Variants in FGF13 observed in about 807,000 individuals in gnomAD.
FGF13 encodes the protein fibroblast growth factor 13.
FGF13 carries 2 observed loss-of-function variants against 19.5 expected under a neutral mutation model. The observed-to-expected ratio is 0.10, with a 90% confidence interval of 0.04 to 0.32. FGF13 has a LOEUF of 0.32. Ranked by LOEUF, FGF13 falls within the 10% of genes least tolerant of loss-of-function variation. FGF13 has a pLI of 1.00. For missense variants in FGF13, 113 were observed against 192.7 expected (o/e 0.59, Z 2.45); for synonymous variants, 72 against 76.9 (o/e 0.94, Z 0.33).
At chrX:138,906,791 C>A (rs2091560882) in intron 1 of FGF13, among the ~76,000 whole-genome samples, 1 of 110,690 alleles carries the variant, frequency 9.0e-6, no homozygotes, top group African/African-American at 3.3e-5. Flanking sequence ...ACATGGAGTC[C>A]TATATCTCCT....
chrX:138,980,421 T>C lies in FGF13; in HGVS notation c.-112-115771A>G, dbSNP rs146929761. Among the ~76,000 whole-genome samples, 803 of 112,056 alleles carry C rather than the reference T, an allele frequency of 7.2e-3. 12 individuals carry two copies. Among genetic ancestry groups the C allele is most frequent in the African/African-American group, 0.025 (768 of 30,818 alleles). On this transcript the variant is annotated intron_variant, in intron 1 of 2. Coordinates refer to the FGF13 transcript ENST00000421460. ...AAAAGAATATACTACTTCATCTCTC[T>C]CCTGGCTCATGAGTGATGATCAATA...
Position 138,894,346 on chromosome X carries a change from C to CA in FGF13, c.-112-29697dup, listed in dbSNP as rs758674873. Among the ~76,000 whole-genome samples, 877 of 108,464 alleles carry CA rather than the reference C, an allele frequency of 8.1e-3. 11 individuals carry two copies. The highest frequency in any genetic ancestry group is 0.027 in the African/African-American group (813 of 29,600). 94.2% of individuals were successfully genotyped at this position (108,464 alleles called of 115,157 possible). ...GGAGATAGAGACACAAAAAACCCTT[C>CA]AAAAAAAATCAATGAATCAAGGAGC... is the stretch of plus-strand genomic sequence containing the variant. On this transcript the variant is annotated intron_variant, in intron 1 of 2. Coordinates refer to the FGF13 transcript ENST00000421460.
chrX:138,690,158 G>T (rs1156621915), intron 3 of FGF13, among the ~76,000 whole-genome samples: 1 of 111,572 alleles, frequency 9.0e-6, no homozygotes, highest in Non-Finnish European at 1.9e-5. Context: ...AGGGGTAAAT[G>T]AGTAATGGGG....
At chrX:139,142,376 T>C (rs1197126419) in intron 1 of FGF13, among the ~76,000 whole-genome samples, 1 of 111,660 alleles carries the variant, frequency 9.0e-6, no homozygotes. Flanking sequence ...AATGGCATCA[T>C]CACAGACAAT....
chrX:139,204,312 A>AGCC (rs2084446470), upstream of FGF13: 1 of 346,608 alleles, frequency 2.9e-6, no homozygotes, highest in African/African-American at 2.8e-5. Context: ...GTGAAGGAGG[A>AGCC]GCCGCCGTCG....
intron 1 of FGF13, among the ~76,000 whole-genome samples, chrX:138,958,015 A>C (rs753972001): frequency 4.7e-4 from 52 of 111,706 alleles, no homozygotes; most frequent in African/African-American, 1.6e-3. Context: ...AATATGCTTT[A>C]TTTCTTTCTC....
chrX:139,169,188 G>A (rs1041782840), intron 1 of FGF13, among the ~76,000 whole-genome samples: 2 of 112,192 alleles, frequency 1.8e-5, no homozygotes, highest in Non-Finnish European at 3.8e-5. Context: ...TAAGGGTTGA[G>A]CAGACATTTG....
At chrX:138,732,401 C>G (rs971997812) in intron 1 of FGF13, among the ~76,000 whole-genome samples, 20 of 111,848 alleles carry the variant, frequency 1.8e-4, no homozygotes, top group Non-Finnish European at 3.0e-4. Context: ...TACTAGTCAG[C>G]CATAACATGT....
At chrX:139,017,095 T>C (rs1340299698) in intron 1 of FGF13, among the ~76,000 whole-genome samples, 1 of 107,255 alleles carries the variant, frequency 9.3e-6, no homozygotes, top group African/African-American at 3.4e-5. Context: ...TATATATATA[T>C]ACACACACAC....
At chrX:138,750,802 T>C (rs1234567496) in intron 3 of FGF13, among the ~76,000 whole-genome samples, 10 of 110,916 alleles carry the variant, frequency 9.0e-5, no homozygotes, top group African/African-American at 3.3e-4. Context: ...AAAGAGATGG[T>C]GTTTACAGTC....
At chrX:138,980,829 T>A (rs1319334079) in intron 1 of FGF13, among the ~76,000 whole-genome samples, 1 of 110,903 alleles carries the variant, frequency 9.0e-6, no homozygotes, top group Non-Finnish European at 1.9e-5. Flanking sequence ...ATGTATGTAT[T>A]CAGTTTACAG....
At chrX:138,885,554 C>T (rs1425316600) in intron 1 of FGF13, among the ~76,000 whole-genome samples, 1 of 109,874 alleles carries the variant, frequency 9.1e-6, no homozygotes, top group Admixed American at 9.8e-5. Context: ...CTCTGTCTTG[C>T]TCACTCTACT....
intron 1 of FGF13, among the ~76,000 whole-genome samples, chrX:139,004,464 A>T (rs1198949533): frequency 8.9e-6 from 1 of 112,297 alleles, no homozygotes; most frequent in Admixed American, 9.3e-5. Flanking sequence ...CAGCCCAGAA[A>T]GCGGCTCCCA....
At chrX:139,087,364 A>C (rs1201473647) in intron 1 of FGF13, among the ~76,000 whole-genome samples, 1 of 111,868 alleles carries the variant, frequency 8.9e-6, no homozygotes, top group Non-Finnish European at 1.9e-5. Flanking sequence ...AAGTTAAAAT[A>C]ACAGATTTAG....
At position 138,710,810 on chromosome X, in the gene FGF13, T is replaced by G; in HGVS notation, c.187+7A>C. ...ATGGGGAAAAGAAAGCAAAAGCCCT[T>G]TCCGACCTGGTCTTCTTCTGCGCCT... On this transcript the variant is annotated splice_region_variant and intron_variant, in intron 1 of 4. Coordinates refer to ENST00000315930, the MANE Select transcript of FGF13 (RefSeq NM_004114.5). 1 of 1,211,259 alleles carries G rather than the reference T, an allele frequency of 8.3e-7. No individual in the cohort carries two copies. The highest frequency in any genetic ancestry group is 1.1e-6 in the Non-Finnish European group (1 of 895,071).
chrX:139,064,274 T>TA (rs1380176662), intron 1 of FGF13, among the ~76,000 whole-genome samples: 9 of 82,332 alleles, frequency 1.1e-4, no homozygotes, highest in African/African-American at 2.1e-4. Flanking sequence ...CAGAGTTCTT[T>TA]TTTTTTCTTT....
At chrX:138,731,585 GAAGA>G (rs1274435724) in intron 1 of FGF13, among the ~76,000 whole-genome samples, 2 of 110,159 alleles carry the variant, frequency 1.8e-5, no homozygotes, top group South Asian at 3.8e-4. Context: ...CACTCAAACA[GAAGA>G]AAGTTATAAA....
intron 1 of FGF13, among the ~76,000 whole-genome samples, chrX:139,123,194 T>C (rs1229649413): frequency 9.0e-6 from 1 of 111,635 alleles, no homozygotes; most frequent in African/African-American, 3.3e-5. Flanking sequence ...TCCCACAAGT[T>C]TATTCTCAAA....
At chrX:138,693,649 G>A (rs893681029) in intron 3 of FGF13, among the ~76,000 whole-genome samples, 11 of 111,623 alleles carry the variant, frequency 9.9e-5, no homozygotes, top group African/African-American at 3.6e-4. Context: ...AGGAACCTAA[G>A]TTTTGATAGT....
Sources: gnomAD v4.1 joint callset for allele counts (sites outside exome capture counted in the v4.1 genomes callset) on GRCh38, gnomAD v4.1.1 for gene constraint, MANE v1.5 for transcripts, NCBI Gene and HGNC (gene_info 2026-07-23, HGNC 2026-07-21) for gene names.